TEX11: variants seen among roughly 807,000 people sequenced by gnomAD.
TEX11 encodes the protein testis expressed 11, also known as testis-expressed protein 11.
A neutral mutation model predicts 84.4 loss-of-function variants in TEX11; 7 were observed. The observed-to-expected ratio is 0.08, with a 90% CI of 0.05 to 0.16. The LOEUF (loss-of-function observed/expected upper bound fraction) is 0.16, where lower values mean the gene tolerates loss of function less well. TEX11 is among the 10% of genes least tolerant of loss of function. The pLI is 1.00. For synonymous variants in TEX11, 264 were observed against 222.8 expected (o/e 1.18, Z -1.64); for missense variants, 551 against 660.5 (o/e 0.83, Z 1.82).
chrX:70,514,143 G>C, the TEX11 span, among the ~76,000 whole-genome samples: 1 of 109,594 alleles, frequency 9.1e-6, no homozygotes, highest in African/African-American at 3.4e-5. Flanking sequence ...TACTAGCTAA[G>C]AGGTATCACT....
chrX:70,735,734 T>C (rs1295792777), intron 11 of TEX11, among the ~76,000 whole-genome samples: 1 of 112,111 alleles, frequency 8.9e-6, no homozygotes, highest in African/African-American at 3.2e-5. Flanking sequence ...TTCCAAAATA[T>C]GAAAATGCAA....
At chrX:70,646,078 G>A (rs933069185) in intron 17 of TEX11, among the ~76,000 whole-genome samples, 2 of 111,506 alleles carry the variant, frequency 1.8e-5, no homozygotes, top group African/African-American at 6.5e-5. Context: ...CAGATACATA[G>A]GCCAATGGAA....
At chrX:70,756,256 A>T (rs1427432225) in intron 9 of TEX11, among the ~76,000 whole-genome samples, 1 of 112,114 alleles carries the variant, frequency 8.9e-6, no homozygotes, top group Non-Finnish European at 1.9e-5. Context: ...CTCTGAAGAG[A>T]GCAGTGGTTC....
At chrX:70,553,934 G>T (rs773522396) in intron 26 of TEX11, among the ~76,000 whole-genome samples, 1 of 111,687 alleles carries the variant, frequency 9.0e-6, no homozygotes, top group Admixed American at 9.5e-5. Flanking sequence ...AGCAGTGGTT[G>T]CTGTCACATG....
intron 2 of TEX11, among the ~76,000 whole-genome samples, chrX:70,896,087 C>G (rs780259423): frequency 1.8e-5 from 2 of 111,728 alleles, no homozygotes; most frequent in South Asian, 7.5e-4. Context: ...AACAGGCAAC[C>G]TACAGAATTG....
chrX:70,896,379 G>A (rs1440094330), intron 2 of TEX11, among the ~76,000 whole-genome samples: 1 of 112,354 alleles, frequency 8.9e-6, no homozygotes, highest in Non-Finnish European at 1.9e-5. Context: ...ACAGATGCTG[G>A]AGAGGATGCA....
intron 9 of TEX11, among the ~76,000 whole-genome samples, chrX:70,753,240 T>G: frequency 9.1e-6 from 1 of 109,657 alleles, no homozygotes; most frequent in South Asian, 4.0e-4. Flanking sequence ...GCGTGCAAAC[T>G]ACTGAGACAC....
At chrX:70,747,635 A>C (rs2090777324) in intron 9 of TEX11, among the ~76,000 whole-genome samples, 1 of 112,148 alleles carries the variant, frequency 8.9e-6, no homozygotes, top group South Asian at 3.7e-4. Context: ...CTTCAAAGCA[A>C]CTTTTATAAT....
chrX:70,731,838 G>C (rs1196084911), intron 11 of TEX11, among the ~76,000 whole-genome samples: 2 of 110,961 alleles, frequency 1.8e-5, no homozygotes, highest in African/African-American at 6.6e-5. Context: ...AAGCCGGGCA[G>C]AGACACAACC....
At chrX:70,682,047 A>C (rs1428766844) in intron 14 of TEX11, among the ~76,000 whole-genome samples, 1 of 111,933 alleles carries the variant, frequency 8.9e-6, no homozygotes, top group Admixed American at 9.5e-5. Context: ...ATATCTCTAC[A>C]TGCACTTAGT....
intron 24 of TEX11, among the ~76,000 whole-genome samples, chrX:70,604,974 G>A (rs1416898588): frequency 9.0e-6 from 1 of 111,313 alleles, no homozygotes; most frequent in Non-Finnish European, 1.9e-5. Context: ...GTGGGAAAAA[G>A]AAAGCAAATG....
chrX:70,623,956 T>G lies in TEX11; in HGVS notation c.1745A>C (p.Glu582Ala). ...TTTTGTTGAAATAACTCACTTATCT[T>G]CAGATTCCGGCATTTCAGCAATTTT... ...LPKIAEMPES[E>A]DKKKEMDRLL... Residue 582 changes from glutamate to alanine, a missense_variant, in exon 20 of 30, where the codon GAA (glutamate) becomes GCA (alanine). Glu to Ala is a moderately radical substitution (Grantham distance 107). Transcript: ENST00000374333. The G allele has an allele frequency of 8.3e-7, 1 of 1,203,883 alleles. No homozygotes were observed. Among genetic ancestry groups the G allele is most frequent in the Non-Finnish European group, 1.1e-6 (1 of 891,017 alleles).
At chrX:70,840,087 T>C (rs760651909) in intron 7 of TEX11, among the ~76,000 whole-genome samples, 2 of 111,604 alleles carry the variant, frequency 1.8e-5, no homozygotes, top group Non-Finnish European at 3.8e-5. Context: ...TTCCCCAATC[T>C]ACCAAGGCAG....
chrX:70,565,460 A>G, intron 25 of TEX11, among the ~76,000 whole-genome samples: 1 of 109,686 alleles, frequency 9.1e-6, no homozygotes, highest in East Asian at 2.9e-4. Flanking sequence ...TTGGTGTTTT[A>G]GACATGAAGT....
chrX:70,804,971 C>CTTTTT (rs748863855), intron 9 of TEX11, among the ~76,000 whole-genome samples: 5 of 68,207 alleles, frequency 7.3e-5, no homozygotes, highest in African/African-American at 1.4e-4. Context: ...CACCAGCATC[C>CTTTTT]TTTTTTTTTT....
chrX:70,617,506 A>G (rs1396097332), intron 20 of TEX11, among the ~76,000 whole-genome samples: 1 of 108,696 alleles, frequency 9.2e-6, no homozygotes, highest in Non-Finnish European at 1.9e-5. Flanking sequence ...CCATAAAAGG[A>G]ATGAAACCAT....
chrX:70,730,807 T>A (rs2090641991), intron 11 of TEX11, among the ~76,000 whole-genome samples: 1 of 111,858 alleles, frequency 8.9e-6, no homozygotes, highest in East Asian at 2.8e-4. Context: ...GCGGACCTAA[T>A]AGACATCTAC....
chrX:70,601,534 C>CTTTTTTTTTTTTTTTTTT (rs1182961993), intron 24 of TEX11, among the ~76,000 whole-genome samples: 1 of 63,401 alleles, frequency 1.6e-5, no homozygotes, highest in African/African-American at 6.2e-5. Flanking sequence ...CAGCATCATT[C>CTTTTTTTTTTTTTTTTTT]TTTTTTTTTT....
chrX:70,548,309 C>T (rs1386646270), intron 28 of TEX11, among the ~76,000 whole-genome samples: 3 of 109,359 alleles, frequency 2.7e-5, no homozygotes, highest in Non-Finnish European at 5.7e-5. Flanking sequence ...AGGAGATATA[C>T]CTAATGCTAA....
Sources: allele counts gnomAD v4.1 joint callset (sites outside exome capture counted in the v4.1 genomes callset), GRCh38; gene constraint gnomAD v4.1.1; transcripts MANE v1.5; gene names NCBI Gene and HGNC (gene_info 2026-07-23, HGNC 2026-07-21).